Variants in CASQ2 observed in about 807,000 individuals in gnomAD.
CASQ2 encodes calsequestrin 2.
CASQ2 carries 49 observed loss-of-function variants against 46.5 expected under a neutral mutation model. The observed-to-expected ratio is 1.05, with a 90% CI of 0.84 to 1.34. The LOEUF (loss-of-function observed/expected upper bound fraction) is 1.34. Ranked by LOEUF, CASQ2 falls within the 40% of genes most tolerant of loss-of-function variation. The probability of loss-of-function intolerance (pLI) is 0.00; values close to 1 mark genes in which losing one functional copy is unlikely to be tolerated. For synonymous variants in CASQ2, 174 were observed against 168.5 expected, an observed-to-expected ratio of 1.03 and a Z score of -0.25; for missense variants, 486 against 481.3, an observed-to-expected ratio of 1.01 and a Z score of -0.09.
intron 1 of CASQ2, among the ~76,000 whole-genome samples, chr1:115,757,483 C>G (rs147163169): frequency 2.2e-4 from 34 of 152,164 alleles, no homozygotes; most frequent in Non-Finnish European, 4.3e-4. Flanking sequence ...AAAAAAAATA[C>G]CTGAATCCTG....
At chr1:115,763,738 G>C (rs945671116) in intron 1 of CASQ2, among the ~76,000 whole-genome samples, 1 of 152,212 alleles carries the variant, frequency 6.6e-6, no homozygotes, top group Non-Finnish European at 1.5e-5. Flanking sequence ...GCCCGTGTTA[G>C]AGCATGCCAT....
rs1423282907 is a variant in CASQ2, at chr1:115,768,621, G to A, written c.-80C>T. On this transcript the variant is annotated 5_prime_UTR_variant, in exon 1 of 11. Transcript: ENST00000261448. ...AGAAGACTGTTAGAGGCCTTGTTGA[G>A]CCAAGGAGAGAGCAGACAGGCTGAT... is the stretch of plus-strand genomic sequence containing the variant. The A allele has an allele frequency of 1.2e-5, 11 of 902,446 alleles. No homozygotes were observed. Among genetic ancestry groups the A allele is most frequent in the African/African-American group, 1.6e-5 (1 of 60,746 alleles). 55.9% of individuals were successfully genotyped at this position (902,446 alleles called of 1,614,324 possible).
intron 4 of CASQ2, among the ~76,000 whole-genome samples, chr1:115,737,000 C>T (rs1268747289): frequency 1.3e-5 from 2 of 152,086 alleles, no homozygotes; most frequent in African/African-American, 4.8e-5. Context: ...TTTATCCTAA[C>T]CTTGTTTTGC....
At chr1:115,715,634 G>A (rs1308192331) in intron 8 of CASQ2, among the ~76,000 whole-genome samples, 1 of 152,172 alleles carries the variant, frequency 6.6e-6, no homozygotes, top group Non-Finnish European at 1.5e-5. Context: ...ACAACTTTGT[G>A]AATGTCCTAA....
At position 115,727,087 on chromosome 1, in the gene CASQ2, A is replaced by T; in HGVS notation, c.642T>A (p.Val214=). 1 of 1,613,380 alleles carries T rather than the reference A, an allele frequency of 6.2e-7. No homozygotes were observed. The change falls in exon 6 of 11, where the codon GTT becomes GTA. Residue 214 remains valine, a synonymous_variant. Transcript: ENST00000261448. ...AKKLSLKMNE[V]DFYEPFMDEP... Reference sequence around the variant, plus strand: ...CATCCATAAATGGCTCATAGAAGTCAACCTCATTCATCTTCAAAGATAATT... The same window carrying T: ...CATCCATAAATGGCTCATAGAAGTCTACCTCATTCATCTTCAAAGATAATT...
At chr1:115,725,577 A>AG in intron 6 of CASQ2, 24 bp from the exon 7 acceptor site, 3 of 1,594,418 alleles carry the variant, frequency 1.9e-6, no homozygotes, top group Non-Finnish European at 2.6e-6. Flanking sequence ...AAAAAAAAAA[A>AG]AAAGAAAGAG....
At chr1:115,742,246 A>G (rs992665171) in intron 2 of CASQ2, among the ~76,000 whole-genome samples, 11 of 151,756 alleles carry the variant, frequency 7.2e-5, no homozygotes, top group African/African-American at 2.7e-4. Flanking sequence ...CTATATATGT[A>G]TATTACAAGC....
chr1:115,743,738 C>A (rs1648278514), intron 2 of CASQ2, among the ~76,000 whole-genome samples: 1 of 142,344 alleles, frequency 7.0e-6, no homozygotes, highest in African/African-American at 2.6e-5. Flanking sequence ...ATTAACCTTT[C>A]TTCAAAGATC....
intron 8 of CASQ2, among the ~76,000 whole-genome samples, chr1:115,712,120 C>T (rs10923251): frequency 0.53 from 80,730 of 151,948 alleles, 21,644 homozygotes; most frequent in East Asian, 0.66. Flanking sequence ...AAAAGCAGCC[C>T]AGCATCTGAA....
At chr1:115,712,473 T>G (rs950099813) in intron 8 of CASQ2, among the ~76,000 whole-genome samples, 1 of 152,218 alleles carries the variant, frequency 6.6e-6, no homozygotes, top group African/African-American at 2.4e-5. Context: ...TATCACTGAT[T>G]AGCCATGTGA....
intron 7 of CASQ2, among the ~76,000 whole-genome samples, chr1:115,725,139 T>A (rs1647532668): frequency 6.6e-6 from 1 of 152,140 alleles, no homozygotes; most frequent in Non-Finnish European, 1.5e-5. Flanking sequence ...GGATCACAGC[T>A]CATTGCAGAC....
intron 8 of CASQ2, among the ~76,000 whole-genome samples, chr1:115,712,272 C>T (rs1256799281): frequency 6.6e-5 from 10 of 152,158 alleles, no homozygotes; most frequent in Admixed American, 5.9e-4. Context: ...AGCTATGAGA[C>T]GGCACTTGAG....
rs1553193962 is a variant in CASQ2 at position 115,723,293 on chromosome 1, A to ATATCTATC, written c.783+2207_783+2214dup. Among the ~76,000 whole-genome samples, 3 of 74,458 alleles carry ATATCTATC rather than the reference A, an allele frequency of 4.0e-5. No individual in the cohort carries two copies. The East Asian group carries it at 1.5e-3, about 38-fold the overall frequency. The allele number at this position is 74,458 out of a possible 152,430, so 48.8% of individuals were successfully genotyped here. ...ATCTATCATCTATCTATATCTCTCT[A>ATATCTATC]TATCTATCTATTTATCTATCTATCT... On this transcript the variant is annotated intron_variant, in intron 7 of 10. Coordinates refer to ENST00000261448, the MANE Select transcript of CASQ2 (RefSeq NM_001232.4).
At chr1:115,711,021 G>A (rs983525486) in intron 8 of CASQ2, among the ~76,000 whole-genome samples, 1 of 152,202 alleles carries the variant, frequency 6.6e-6, no homozygotes, top group Admixed American at 6.5e-5. Flanking sequence ...GCCACATTCG[G>A]CAGAGGCTCA....
At chr1:115,752,375 C>T (rs1042591592) in intron 1 of CASQ2, among the ~76,000 whole-genome samples, 1 of 152,170 alleles carries the variant, frequency 6.6e-6, no homozygotes, top group Non-Finnish European at 1.5e-5. Context: ...ATGCTATCTC[C>T]AGCACCTAGC....
intron 1 of CASQ2, among the ~76,000 whole-genome samples, chr1:115,761,988 CAGAGCATCCCAACAGCCTCTATTG>C (rs1234423981): frequency 6.6e-6 from 1 of 152,152 alleles, no homozygotes; most frequent in Non-Finnish European, 1.5e-5. Context: ...TGGATGGTAG[CAGAGCATCCCAACAGCCTCTATTG>C]GTGAGCTAAA....
At chr1:115,707,027 A>C (rs2101057971) in intron 8 of CASQ2, among the ~76,000 whole-genome samples, 1 of 144,284 alleles carries the variant, frequency 6.9e-6, no homozygotes, top group Non-Finnish European at 1.5e-5. Flanking sequence ...TCTAGTGGAG[A>C]AATAGTTCCT....
At chr1:115,758,944 G>A (rs9428087) in intron 1 of CASQ2, among the ~76,000 whole-genome samples, 58,321 of 152,062 alleles carry the variant, frequency 0.38, 12,688 homozygotes, top group Non-Finnish European at 0.5. Flanking sequence ...TGCAAGAAGG[G>A]GTGTCAGACA....
intron 6 of CASQ2, 39 bp from the exon 7 acceptor site, chr1:115,725,592 C>T (rs762015552): frequency 1.1e-5 from 18 of 1,571,992 alleles, no homozygotes; most frequent in Non-Finnish European, 1.5e-5. Context: ...AAAGAGCTTC[C>T]TTGAGTAGGG....
Sources: allele counts gnomAD v4.1 joint callset (sites outside exome capture counted in the v4.1 genomes callset), GRCh38; gene constraint gnomAD v4.1.1; transcripts MANE v1.5; gene names NCBI Gene and HGNC (gene_info 2026-07-23, HGNC 2026-07-21).